Variants in AKT1S1 observed in about 807,000 individuals in gnomAD.
AKT1S1 encodes the protein proline-rich AKT1 substrate 1.
AKT1S1 carries 17 observed loss-of-function variants against 21.2 expected under a neutral mutation model. The ratio of observed to expected loss-of-function variants is 0.80; its 90% confidence interval spans 0.55 to 1.20. The LOEUF is 1.20. AKT1S1 is among the 50% of genes most tolerant of loss of function. AKT1S1 has a pLI of 0.00. For missense variants in AKT1S1, 366 were observed against 368.3 expected, an observed-to-expected ratio of 0.99 and a Z score of 0.05; for synonymous variants, 181 against 165.6, an observed-to-expected ratio of 1.09 and a Z score of -0.72.
At chr19:49,875,171 C>T (rs2074925890) in intron 1 of AKT1S1, 1 of 152,350 alleles carries the variant, frequency 6.6e-6, no homozygotes, top group Non-Finnish European at 1.5e-5. Context: ...CTTGAAGGGC[C>T]ACAACTGGAA....
intron 1 of AKT1S1, chr19:49,876,928 T>A (rs1415576706): frequency 2.5e-6 from 1 of 397,612 alleles, no homozygotes; most frequent in Non-Finnish European, 4.5e-6. Context: ...AATAAACTTC[T>A]TCGACAAAAG....
At chr19:49,876,576 G>A in intron 1 of AKT1S1, 2 of 1,493,790 alleles carry the variant, frequency 1.3e-6, no homozygotes, top group South Asian at 1.3e-5. Flanking sequence ...TCCCCACACC[G>A]CGGTTAACAA....
Position 49,871,400 on chromosome 19 carries a change from G to C in AKT1S1, c.627+147C>G, listed in dbSNP as rs966557526. Reference sequence around the variant, plus strand: ...TGCAATTGTTAAAACTGCAAGGCTCGTGTCCAAGAACTCGCCTCTTGAGGT... The same window carrying C: ...TGCAATTGTTAAAACTGCAAGGCTCCTGTCCAAGAACTCGCCTCTTGAGGT... On this transcript the variant is annotated intron_variant, in intron 4 of 4. Transcript: ENST00000344175. The C allele has an allele frequency of 3.1e-5, 33 of 1,081,304 alleles. No individual in the cohort carries two copies. In the East Asian group the frequency reaches 7.8e-4, roughly 26 times the overall value. 67.0% of individuals were successfully genotyped at this position (1,081,304 alleles called of 1,614,324 possible).
At chr19:49,877,790 C>T (rs953587624), upstream of AKT1S1, 2 of 1,561,286 alleles carry the variant, frequency 1.3e-6, no homozygotes, top group Middle Eastern at 1.7e-4. Context: ...ATGCGAAACG[C>T]CCCGTCTAGT....
intron 2 of AKT1S1, 27 bp downstream of exon 2, chr19:49,872,890 C>A: frequency 1.3e-6 from 2 of 1,581,570 alleles, no homozygotes; most frequent in South Asian, 1.1e-5. Context: ...CGCTGGGCCG[C>A]ACCCGCCCCT....
In AKT1S1 at chr19:49,869,644, A is replaced by T. The variant is rs181991218; in HGVS notation, c.*273T>A. ...GGAGTTGACCCATTTAGAGCTTAGAACTCAGCGAGCCAATCCCTTAATAGA... is the reference window on the plus strand; with the variant it reads ...GGAGTTGACCCATTTAGAGCTTAGATCTCAGCGAGCCAATCCCTTAATAGA... On this transcript the variant is annotated 3_prime_UTR_variant, in exon 5 of 5. Coordinates refer to ENST00000344175, the MANE Select transcript of AKT1S1 (RefSeq NM_001098633.4). 1.1e-3 allele frequency: 398 copies of T among 377,116 alleles called. No individual in the cohort carries two copies. The highest frequency in any genetic ancestry group is 1.2e-3 in the Non-Finnish European group (261 of 209,204). 23.4% of individuals were successfully genotyped at this position (377,116 alleles called of 1,614,324 possible). A position where few individuals can be genotyped will look rare whatever the true frequency, so the allele number is the denominator to read the frequency against.
chr19:49,872,332 C>T (rs1210624710), intron 2 of AKT1S1, among the ~76,000 whole-genome samples: 2 of 152,176 alleles, frequency 1.3e-5, no homozygotes, highest in Non-Finnish European at 2.9e-5. Flanking sequence ...CGGGTTTTCT[C>T]CAGCAATGGT....
At chr19:49,876,567 C>A (rs889258262) in intron 1 of AKT1S1, 2 of 1,490,834 alleles carry the variant, frequency 1.3e-6, no homozygotes, top group Non-Finnish European at 1.8e-6. Flanking sequence ...GCCAAATCCT[C>A]CCCACACCGC....
chr19:49,876,314 C>T, intron 1 of AKT1S1: 1 of 1,207,072 alleles, frequency 8.3e-7, no homozygotes. Context: ...GCCCCGAGGC[C>T]CCCCAAACCA....
At chr19:49,875,908 A>G (rs1311479410) in intron 1 of AKT1S1, 7 of 985,406 alleles carry the variant, frequency 7.1e-6, no homozygotes, top group Non-Finnish European at 8.4e-6. Flanking sequence ...GTTTCCTCCA[A>G]GGAGCTGAGA....
Position 49,877,311 on chromosome 19 carries a change from T to C in AKT1S1, c.-82A>G, listed in dbSNP as rs1259159236. 5 of 201,398 alleles carry C rather than the reference T, an allele frequency of 2.5e-5. No individual in the cohort carries two copies. Among genetic ancestry groups the C allele is most frequent in the Non-Finnish European group, 5.1e-5 (5 of 98,264 alleles). The allele number at this position is 201,398 out of a possible 1,614,324, so 12.5% of individuals were successfully genotyped here. On this transcript the variant is annotated 5_prime_UTR_variant, in exon 1 of 5. It removes an upstream start codon present in the reference 5' UTR. Coordinates refer to ENST00000344175, the MANE Select transcript of AKT1S1 (RefSeq NM_001098633.4). ...GAGATGGGACAGCCCCGTATTAACATGGCCTTAGCTGACCGGCTTAGGCCA... is the reference window on the plus strand; with the variant it reads ...GAGATGGGACAGCCCCGTATTAACACGGCCTTAGCTGACCGGCTTAGGCCA...
At chr19:49,876,719 T>C (rs574222760) in intron 1 of AKT1S1, 75 of 1,402,430 alleles carry the variant, frequency 5.3e-5, no homozygotes, top group East Asian at 3.2e-4. Flanking sequence ...CCGCCTCCCT[T>C]ATCGGGGCCG....
Position 49,869,747 on chromosome 19 carries a change from G to C in AKT1S1, c.*170C>G. 2.6e-6 allele frequency: 2 copies of C among 767,316 alleles called. No individual in the cohort carries two copies. Among genetic ancestry groups the C allele is most frequent in the Non-Finnish European group, 3.8e-6 (2 of 526,536 alleles). 47.5% of individuals were successfully genotyped at this position (767,316 alleles called of 1,614,324 possible). A position where few individuals can be genotyped will look rare whatever the true frequency, so the allele number is the denominator to read the frequency against. ...CAGATGCCGCTCCTCGGCGCGGCAGGTCGTGGGCTGGAAGGACGGCGGGGA... is the reference window on the plus strand; with the variant it reads ...CAGATGCCGCTCCTCGGCGCGGCAGCTCGTGGGCTGGAAGGACGGCGGGGA... On this transcript the variant is annotated 3_prime_UTR_variant, in exon 5 of 5. Coordinates refer to ENST00000344175, the MANE Select transcript of AKT1S1 (RefSeq NM_001098633.4).
chr19:49,876,277 A>C, intron 1 of AKT1S1: 2 of 1,164,080 alleles, frequency 1.7e-6, no homozygotes, highest in Non-Finnish European at 2.1e-6. Flanking sequence ...CAGGACCGGA[A>C]GTCCCGCCTT....
chr19:49,877,063 A>G, intron 1 of AKT1S1, 174 bp downstream of exon 1: 1 of 190,502 alleles, frequency 5.2e-6, no homozygotes, highest in Non-Finnish European at 1.1e-5. Flanking sequence ...AAGATCCAAC[A>G]CGGCAGCATT....
chr19:49,872,967 G>T lies in AKT1S1; in HGVS notation c.329C>A (p.Pro110His). Residue 110 changes from proline to histidine, a missense_variant, in exon 2 of 5, where the codon CCC (proline) becomes CAC (histidine). Pro to His is a moderately conservative substitution (Grantham distance 77). Transcript: ENST00000344175. ...CTCCCCGGAGGTCTCTGTCTCTGTG[G>T]GCTCATCCTCGTCCTCCTCGTTGTC... ...REDNEEDEDEPTETETSGEQL... is the reference protein window; with the variant it reads ...REDNEEDEDEHTETETSGEQL... 6.2e-7 allele frequency: 1 copy of T among 1,603,882 alleles called. No homozygotes were observed. Among genetic ancestry groups the T allele is most frequent in the Non-Finnish European group, 8.5e-7 (1 of 1,177,204 alleles).
upstream of AKT1S1, chr19:49,878,350 G>A: frequency 8.0e-7 from 1 of 1,246,034 alleles, no homozygotes; most frequent in Non-Finnish European, 1.1e-6. Context: ...AGTGGGACCT[G>A]AAGAAGGCTG....
In AKT1S1 at chr19:49,875,527, A is replaced by C. The variant is rs189497718; in HGVS notation, c.-8+1710T>G. ...GTCCTTCCCAGCTGATGAGGGAGGAAACTGAGGCTCTAAGCAAGAAATGGC... is the reference window on the plus strand; with the variant it reads ...GTCCTTCCCAGCTGATGAGGGAGGACACTGAGGCTCTAAGCAAGAAATGGC... On this transcript the variant is annotated intron_variant, in intron 1 of 4. Coordinates refer to ENST00000344175, the MANE Select transcript of AKT1S1 (RefSeq NM_001098633.4). Among the ~76,000 whole-genome samples, 79 of 152,340 alleles carry C rather than the reference A, an allele frequency of 5.2e-4. 1 individual carries two copies. The highest frequency in any genetic ancestry group is 1.0e-3 in the South Asian group (5 of 4,820).
At chr19:49,878,110 G>A (rs374543547), upstream of AKT1S1, 163 of 1,540,998 alleles carry the variant, frequency 1.1e-4, no homozygotes, top group African/African-American at 2.0e-3. Flanking sequence ...CCCTCGCTTG[G>A]GCCCCAGCCC....
Sources: gnomAD v4.1 joint callset for allele counts (sites outside exome capture counted in the v4.1 genomes callset) on GRCh38, gnomAD v4.1.1 for gene constraint, MANE v1.5 for transcripts, NCBI Gene and HGNC (gene_info 2026-07-23, HGNC 2026-07-21) for gene names.